Variants in ERN1 observed in about 807,000 individuals in gnomAD.
ERN1 encodes the protein endoplasmic reticulum to nucleus signaling 1.
A neutral mutation model predicts 113.1 loss-of-function variants in ERN1; 39 were observed. The observed-to-expected ratio is 0.34, with a 90% confidence interval of 0.27 to 0.45. ERN1 has a LOEUF of 0.45. Ranked by LOEUF, ERN1 falls within the 20% of genes least tolerant of loss-of-function variation. The probability of loss-of-function intolerance (pLI) is 1.00; values close to 1 mark genes in which losing one functional copy is unlikely to be tolerated. For synonymous variants in ERN1, 507 were observed against 515.9 expected (o/e 0.98, Z 0.23); for missense variants, 976 against 1,274.8 (o/e 0.77, Z 3.57).
chr17:64,125,801 G>GT (rs1004017377), intron 1 of ERN1, among the ~76,000 whole-genome samples: 1 of 152,206 alleles, frequency 6.6e-6, no homozygotes, highest in Non-Finnish European at 1.5e-5. Context: ...GAAGCTCAAT[G>GT]TTTTTTTACA....
chr17:64,087,617 T>C (rs1328497962), intron 2 of ERN1, among the ~76,000 whole-genome samples: 2 of 152,226 alleles, frequency 1.3e-5, no homozygotes, highest in African/African-American at 4.8e-5. Context: ...TTGATAATTA[T>C]TGAAGCTGGG....
intron 1 of ERN1, among the ~76,000 whole-genome samples, chr17:64,124,633 C>T (rs1483977661): frequency 2.6e-5 from 4 of 152,210 alleles, no homozygotes; most frequent in Admixed American, 2.6e-4. Flanking sequence ...GATTGTGAGG[C>T]CTCCCCAGCC....
intron 17 of ERN1, among the ~76,000 whole-genome samples, 197 bp downstream of exon 17, chr17:64,052,583 T>A (rs1334596076): frequency 3.3e-5 from 5 of 150,500 alleles, no homozygotes; most frequent in African/African-American, 1.2e-4. Flanking sequence ...AAAAAATAGA[T>A]AATTGCCCAC....
At chr17:64,121,853 A>G (rs1430940732) in intron 1 of ERN1, among the ~76,000 whole-genome samples, 1 of 152,162 alleles carries the variant, frequency 6.6e-6, no homozygotes, top group Non-Finnish European at 1.5e-5. Context: ...AAAATGGCCA[A>G]TTTCCTTGAT....
chr17:64,060,374 T>G, intron 11 of ERN1, 95 bp downstream of exon 11: 1 of 798,778 alleles, frequency 1.3e-6, no homozygotes, highest in South Asian at 1.5e-5. Context: ...CCTCCCAGAC[T>G]AGGCTGCAAG....
At chr17:64,074,478 G>A (rs913628606) in intron 5 of ERN1, among the ~76,000 whole-genome samples, 1 of 152,162 alleles carries the variant, frequency 6.6e-6, no homozygotes, top group Non-Finnish European at 1.5e-5. Context: ...AGTGTCCTGA[G>A]CAAAACCTTA....
At chr17:64,116,906 C>T (rs1914819960) in intron 1 of ERN1, among the ~76,000 whole-genome samples, 1 of 145,260 alleles carries the variant, frequency 6.9e-6, no homozygotes, top group East Asian at 2.1e-4. Context: ...AGATTGAGAC[C>T]ATCCTGGCTA....
At chr17:64,090,239 A>G (rs905908723) in intron 2 of ERN1, among the ~76,000 whole-genome samples, 1 of 152,208 alleles carries the variant, frequency 6.6e-6, no homozygotes, top group Non-Finnish European at 1.5e-5. Flanking sequence ...CTGGAAAAGG[A>G]TGTAATAAGT....
chr17:64,086,614 T>C (rs1162797113), intron 2 of ERN1, among the ~76,000 whole-genome samples: 1 of 148,472 alleles, frequency 6.7e-6, no homozygotes, highest in Non-Finnish European at 1.5e-5. Flanking sequence ...CCTATTTTCA[T>C]TTCTTTTTTT....
chr17:64,075,555 C>T (rs1567871428), intron 4 of ERN1, among the ~76,000 whole-genome samples: 1 of 152,178 alleles, frequency 6.6e-6, no homozygotes, highest in African/African-American at 2.4e-5. Flanking sequence ...ACCTCAGCCT[C>T]CCAAGTAGCT....
chr17:64,064,793 G>A (rs755089089), intron 9 of ERN1, among the ~76,000 whole-genome samples: 59 of 152,342 alleles, frequency 3.9e-4, no homozygotes, highest in Non-Finnish European at 4.9e-4. Context: ...TTTGAAGTGT[G>A]AGGTGAGGAG....
At position 64,041,647 on chromosome 17, in the gene ERN1, T is replaced by C. The variant is rs1850601458; in HGVS notation, c.*2341A>G. On this transcript the variant is annotated 3_prime_UTR_variant, in exon 22 of 22. Coordinates refer to ENST00000433197, the MANE Select transcript of ERN1 (RefSeq NM_001433.5). ...GGTGACCGGACCAGATCCCTGTGAT[T>C]CTGGGACAGAAGAGATGTAAACCGC... 6.6e-6 allele frequency: 1 copy of C among 152,158 alleles called. No individual in the cohort carries two copies. The highest frequency in any genetic ancestry group is 2.1e-4 in the South Asian group (1 of 4,822). 9.4% of individuals were successfully genotyped at this position (152,158 alleles called of 1,614,324 possible).
In ERN1 at chr17:64,049,084, C is replaced by T. The variant is rs1261383342; in HGVS notation, c.2372G>A (p.Ser791Asn). 1 of 1,604,854 alleles carries T rather than the reference C, an allele frequency of 6.2e-7. No homozygotes were observed. Residue 791 changes from serine (S) to asparagine (N), a missense_variant, in exon 18 of 22, where the codon AGC becomes AAC. Ser to Asn is a conservative substitution (Grantham distance 46). Around this residue, in one of 5 missense-constraint regions of ERN1, gnomAD observed 297 missense variants for 457.8 expected, o/e 0.65. Transcript: ENST00000433197. This position sits in a 1 kb window ranked among gnomAD's most constrained non-coding sequence, Gnocchi z 4.7. ...CTTCTCTGGGTGCAAGCAGTCAAGG[C>T]TGCAGGCACCCAGGAGGATGTTGGC... is the stretch of plus-strand genomic sequence containing the variant. The part of the protein sequence containing the change: ...RQANILLGAC[S>N]LDCLHPEKHE...
intron 1 of ERN1, among the ~76,000 whole-genome samples, chr17:64,124,688 C>T (rs367846795): frequency 1.3e-5 from 2 of 152,102 alleles, no homozygotes; most frequent in South Asian, 2.1e-4. Context: ...TTGTAAATTG[C>T]CCAGTCTCGG....
At position 64,090,338 on chromosome 17, in the gene ERN1, C is replaced by A. The variant is rs976697613; in HGVS notation, c.175+7783G>T. ...AATGACCAAGTAATCCGGAAAACTG[C>A]CCATACTAAAAGCAGCTGAAGTCTA... On this transcript the variant is annotated intron_variant, in intron 2 of 21. Transcript: ENST00000433197. Among the ~76,000 whole-genome samples, 3 of 152,302 alleles carry A rather than the reference C, an allele frequency of 2.0e-5. No homozygotes were observed. In the East Asian group the frequency reaches 5.8e-4, roughly 29 times the overall value.
intron 6 of ERN1, among the ~76,000 whole-genome samples, chr17:64,071,185 G>A (rs1913402901): frequency 1.3e-5 from 2 of 152,208 alleles, no homozygotes; most frequent in African/African-American, 4.8e-5. Flanking sequence ...CCTGTTAACT[G>A]CTACGTGTGC....
At chr17:64,129,450 AC>A (rs1915172161) in intron 1 of ERN1, 1 of 183,192 alleles carries the variant, frequency 5.5e-6, no homozygotes. Flanking sequence ...GAGAGTCCTT[AC>A]TCCCTGTTGC....
At chr17:64,052,683 G>T in intron 17 of ERN1, 97 bp downstream of exon 17, 1 of 1,090,228 alleles carries the variant, frequency 9.2e-7, no homozygotes, top group Non-Finnish European at 1.3e-6. Flanking sequence ...CCAGCTACAC[G>T]GGCACCAGCC....
intron 7 of ERN1, among the ~76,000 whole-genome samples, chr17:64,067,392 C>G (rs1401526305): frequency 7.0e-6 from 1 of 142,608 alleles, no homozygotes; most frequent in African/African-American, 2.6e-5. Flanking sequence ...GACTTCAAGA[C>G]CAGCCTGGGC....
Sources: gnomAD v4.1 joint callset for allele counts (sites outside exome capture counted in the v4.1 genomes callset) on GRCh38, gnomAD v4.1.1 for gene constraint, gnomAD v4.1.1 regional missense constraint, Gnocchi (gnomAD v3.1) non-coding constraint, MANE v1.5 for transcripts, NCBI Gene and HGNC (gene_info 2026-07-23, HGNC 2026-07-21) for gene names.